VPS13D: variants seen among roughly 807,000 people sequenced by gnomAD.
The protein encoded by VPS13D is vacuolar protein sorting 13 homolog D.
A neutral mutation model predicts 461.9 loss-of-function variants in VPS13D; 187 were observed. The observed-to-expected ratio is 0.40, with a 90% CI of 0.36 to 0.46. VPS13D has a LOEUF of 0.46. Ranked by LOEUF, VPS13D falls within the 20% of genes least tolerant of loss-of-function variation. The pLI is 0.60. For synonymous variants in VPS13D, 1,951 were observed against 1,986.3 expected (o/e 0.98, Z 0.47); for missense variants, 4,711 against 5,364.9 (o/e 0.88, Z 3.81).
chr1:12,314,936 A>C (rs1642849900), intron 30 of VPS13D, among the ~76,000 whole-genome samples: 1 of 152,268 alleles, frequency 6.6e-6, no homozygotes, highest in Non-Finnish European at 1.5e-5. Flanking sequence ...ACTTCCTCTT[A>C]TATAAAATAG....
intron 67 of VPS13D, among the ~76,000 whole-genome samples, chr1:12,464,755 C>T (rs1645459735): frequency 1.3e-5 from 2 of 152,234 alleles, no homozygotes; most frequent in South Asian, 2.1e-4. Context: ...AGCCTTTGGC[C>T]TCAACATGAG....
At chr1:12,433,816 C>T (rs1368110428) in intron 65 of VPS13D, among the ~76,000 whole-genome samples, 1 of 152,114 alleles carries the variant, frequency 6.6e-6, no homozygotes, top group Non-Finnish European at 1.5e-5. Flanking sequence ...ACCCCACTGC[C>T]TGGCCAACAG....
intron 29 of VPS13D, among the ~76,000 whole-genome samples, chr1:12,313,842 A>G (rs1183374189): frequency 1.3e-5 from 2 of 152,182 alleles, no homozygotes; most frequent in Non-Finnish European, 2.9e-5. Flanking sequence ...GATTCAGAAT[A>G]TGTTAAACAT....
chr1:12,329,379 A>C (rs987791320), intron 36 of VPS13D, among the ~76,000 whole-genome samples: 3 of 152,110 alleles, frequency 2.0e-5, no homozygotes, highest in African/African-American at 7.2e-5. Flanking sequence ...ACGCCCAGCC[A>C]GTTTTTGTAT....
intron 58 of VPS13D, among the ~76,000 whole-genome samples, chr1:12,384,886 G>A (rs1644330818): frequency 6.6e-6 from 1 of 152,168 alleles, no homozygotes; most frequent in Non-Finnish European, 1.5e-5. Flanking sequence ...CTCGCAAGTA[G>A]CTTGGACTAC....
At position 12,323,711 on chromosome 1, in the gene VPS13D, C is replaced by T; in HGVS notation, c.7921C>T (p.Gln2641Ter). 1.2e-6 allele frequency: 2 copies of T among 1,613,640 alleles called. No homozygotes were observed. Among genetic ancestry groups the T allele is most frequent in the Non-Finnish European group, 1.7e-6 (2 of 1,179,734 alleles). Residue 2641 changes from glutamine (Q) to a stop codon, truncating the protein, a stop_gained, in exon 35 of 70, where the codon CAG (glutamine) becomes TAG (stop). Coordinates refer to ENST00000620676, the MANE Select transcript of VPS13D (RefSeq NM_015378.4). LOFTEE classifies it high-confidence loss of function. ...TTATGCTATTTGTTTCCTAGAGTTA[C>T]AGCTGGCTAGGCTGCAGGAGCTGGG... ...RHTLDPVLEL[Q>*]LARLQELGFS...
intron 16 of VPS13D, among the ~76,000 whole-genome samples, chr1:12,269,152 A>G (rs1557675720): frequency 6.6e-6 from 1 of 151,536 alleles, no homozygotes; most frequent in Non-Finnish European, 1.5e-5. Flanking sequence ...TTTTTTTCCC[A>G]TTTTTATTTC....
At chr1:12,373,462 T>G (rs980771513) in intron 54 of VPS13D, among the ~76,000 whole-genome samples, 1 of 151,814 alleles carries the variant, frequency 6.6e-6, no homozygotes, top group African/African-American at 2.4e-5. Context: ...CCTCTAAAGA[T>G]ATATGGTTAT....
chr1:12,288,370 A>G (rs976629275), intron 22 of VPS13D, 57 bp downstream of exon 22: 3 of 1,455,178 alleles, frequency 2.1e-6, no homozygotes, highest in South Asian at 2.3e-5. Context: ...GCATTTGAAC[A>G]TTGTGATCAC....
Position 12,300,428 on chromosome 1 carries a change from G to A in VPS13D, c.6216+1044G>A, listed in dbSNP as rs190944027. Among the ~76,000 whole-genome samples the A allele has an allele frequency of 1.7e-3, 265 of 152,124 alleles. 1 individual carries two copies. The highest frequency in any genetic ancestry group is 2.8e-3 in the Non-Finnish European group (192 of 67,986). ...TCACCATGTTGGCCAGGTTGGTCTTGAACTCCTGACCTCAGGTTATCCACC... is the reference window on the plus strand; with the variant it reads ...TCACCATGTTGGCCAGGTTGGTCTTAAACTCCTGACCTCAGGTTATCCACC... On this transcript the variant is annotated intron_variant, in intron 25 of 69. Transcript: ENST00000620676.
At chr1:12,235,731 G>A (rs1212245234) in intron 2 of VPS13D, among the ~76,000 whole-genome samples, 3 of 152,146 alleles carry the variant, frequency 2.0e-5, no homozygotes, top group Non-Finnish European at 2.9e-5. Flanking sequence ...GTCCTGAAAC[G>A]GGAGCTAAGT....
At chr1:12,468,018 G>T (rs1645512695) in intron 67 of VPS13D, among the ~76,000 whole-genome samples, 1 of 152,138 alleles carries the variant, frequency 6.6e-6, no homozygotes, top group East Asian at 1.9e-4. Flanking sequence ...AAATGAATGG[G>T]AAGTGTGATT....
At chr1:12,407,872 T>TG (rs1387991113) in intron 63 of VPS13D, among the ~76,000 whole-genome samples, 9 of 152,136 alleles carry the variant, frequency 5.9e-5, no homozygotes, top group Non-Finnish European at 1.0e-4. Flanking sequence ...AGGACAAAGT[T>TG]GGGGTATAAA....
chr1:12,320,927 T>C (rs1643018657), intron 32 of VPS13D, among the ~76,000 whole-genome samples: 1 of 152,182 alleles, frequency 6.6e-6, no homozygotes, highest in South Asian at 2.1e-4. Context: ...TTATAAAGTA[T>C]GAATTTTGAA....
At chr1:12,374,701 T>C (rs1055922610) in intron 55 of VPS13D, among the ~76,000 whole-genome samples, 3 of 152,232 alleles carry the variant, frequency 2.0e-5, no homozygotes, top group African/African-American at 4.8e-5. Flanking sequence ...CAGCGTGTTA[T>C]CTGTTACTGT....
At chr1:12,273,665 T>G (rs1641520573) in intron 18 of VPS13D, among the ~76,000 whole-genome samples, 1 of 152,256 alleles carries the variant, frequency 6.6e-6, no homozygotes, top group South Asian at 2.1e-4. Flanking sequence ...TGGCCTTTTT[T>G]GTCTGGCTTT....
At position 12,295,977 on chromosome 1, in the gene VPS13D, CT is replaced by C. The variant is rs1184414972; in HGVS notation, c.6033+2277del. Among the ~76,000 whole-genome samples, 5 of 152,148 alleles carry C rather than the reference CT, an allele frequency of 3.3e-5. No individual in the cohort carries two copies. The South Asian group carries it at 6.2e-4, about 19-fold the overall frequency. On this transcript the variant is annotated intron_variant, in intron 24 of 69. Transcript: ENST00000620676. ...ACCGTATTTAATGTTCCTTGACTTG[CT>C]TTTCCCCCCATTTAGTGTGTTGATA...
chr1:12,283,989 G>GA (rs1387152169), intron 21 of VPS13D, among the ~76,000 whole-genome samples: 2 of 152,136 alleles, frequency 1.3e-5, no homozygotes, highest in African/African-American at 2.4e-5. Flanking sequence ...TAATTCAGTG[G>GA]AGTTACTTTG....
chr1:12,388,686 A>T (rs535259085), intron 60 of VPS13D, among the ~76,000 whole-genome samples: 108 of 152,306 alleles, frequency 7.1e-4, no homozygotes, highest in Non-Finnish European at 1.2e-3. Flanking sequence ...GCAAGATGGT[A>T]GACTCAAACC....
Sources: gnomAD v4.1 joint callset for allele counts (sites outside exome capture counted in the v4.1 genomes callset) on GRCh38, gnomAD v4.1.1 for gene constraint, MANE v1.5 for transcripts, NCBI Gene and HGNC (gene_info 2026-07-23, HGNC 2026-07-21) for gene names.